ROBO2: variants seen among roughly 807,000 people sequenced by gnomAD.
The protein encoded by ROBO2 is roundabout homolog 2.
ROBO2 carries 53 observed loss-of-function variants against 160.8 expected under a neutral mutation model. The ratio of observed to expected loss-of-function variants is 0.33; its 90% confidence interval spans 0.26 to 0.41. ROBO2 has a LOEUF of 0.41. ROBO2 is among the 10% of genes least tolerant of loss of function. ROBO2 has a pLI of 1.00. For synonymous variants in ROBO2, 664 were observed against 611.7 expected (o/e 1.09, Z -1.26); for missense variants, 1,577 against 1,722.4 (o/e 0.92, Z 1.49).
At chr3:76,588,996 C>G (rs1381929539) in intron 2 of ROBO2, among the ~76,000 whole-genome samples, 1 of 152,134 alleles carries the variant, frequency 6.6e-6, no homozygotes, top group Non-Finnish European at 1.5e-5. Flanking sequence ...ATAACATACT[C>G]TCTTGTGAAC....
intron 2 of ROBO2, among the ~76,000 whole-genome samples, chr3:77,436,989 C>G (rs1390766142): frequency 6.6e-6 from 1 of 151,966 alleles, no homozygotes; most frequent in Non-Finnish European, 1.5e-5. Context: ...ATTGTATACA[C>G]ATGATTTTCT....
chr3:76,676,269 G>C (rs968569041), intron 2 of ROBO2, among the ~76,000 whole-genome samples: 1 of 151,764 alleles, frequency 6.6e-6, no homozygotes, highest in Admixed American at 6.6e-5. Context: ...TTTCTCATGA[G>C]ATCTGATGGT....
intron 2 of ROBO2, among the ~76,000 whole-genome samples, chr3:76,542,982 C>T (rs962885021): frequency 1.6e-4 from 25 of 152,160 alleles, no homozygotes; most frequent in Admixed American, 1.2e-3. Context: ...CATTCTCATT[C>T]TCCTTTGCCG....
chr3:76,577,229 T>G (rs1435761425), intron 2 of ROBO2, among the ~76,000 whole-genome samples: 3 of 152,122 alleles, frequency 2.0e-5, no homozygotes, highest in Non-Finnish European at 4.4e-5. Context: ...ACATATCTCA[T>G]TTTTTAGGAA....
chr3:75,939,705 C>T (rs965453366), intron 2 of ROBO2, among the ~76,000 whole-genome samples: 3 of 151,970 alleles, frequency 2.0e-5, no homozygotes, highest in Admixed American at 2.0e-4. Flanking sequence ...GCAAGTATAA[C>T]CCAAGCTGCA....
intron 6 of ROBO2, among the ~76,000 whole-genome samples, chr3:77,542,735 T>C (rs1428277683): frequency 6.6e-6 from 1 of 152,176 alleles, no homozygotes; most frequent in Admixed American, 6.5e-5. Flanking sequence ...CTTTAGGTGC[T>C]ACTAAAAATA....
intron 2 of ROBO2, among the ~76,000 whole-genome samples, chr3:76,976,091 A>T (rs1163386976): frequency 6.6e-6 from 1 of 152,212 alleles, no homozygotes; most frequent in Non-Finnish European, 1.5e-5. Context: ...TTAGATAGAG[A>T]ATAAAAACTG....
At chr3:76,915,172 A>G (rs1471293108) in intron 2 of ROBO2, among the ~76,000 whole-genome samples, 1 of 152,148 alleles carries the variant, frequency 6.6e-6, no homozygotes, top group Non-Finnish European at 1.5e-5. Flanking sequence ...TGTAAGTTCC[A>G]TGACAGCTGG....
At chr3:77,446,022 A>G (rs929870965) in intron 2 of ROBO2, among the ~76,000 whole-genome samples, 5 of 152,158 alleles carry the variant, frequency 3.3e-5, no homozygotes, top group African/African-American at 1.2e-4. Flanking sequence ...CTGTAGAAAT[A>G]AATTCAGAGT....
chr3:77,181,132 T>A (rs1412719880), intron 2 of ROBO2, among the ~76,000 whole-genome samples: 1 of 152,120 alleles, frequency 6.6e-6, no homozygotes, highest in East Asian at 1.9e-4. Context: ...TGCCAGTGCT[T>A]AATGCTTCCC....
At chr3:76,527,789 T>C (rs2108001483) in intron 2 of ROBO2, among the ~76,000 whole-genome samples, 1 of 151,962 alleles carries the variant, frequency 6.6e-6, no homozygotes, top group African/African-American at 2.4e-5. Flanking sequence ...AACAGGTGAG[T>C]ATTAGTTTTA....
At chr3:77,436,947 T>G (rs1032545638) in intron 2 of ROBO2, among the ~76,000 whole-genome samples, 1 of 152,032 alleles carries the variant, frequency 6.6e-6, no homozygotes, top group Non-Finnish European at 1.5e-5. Context: ...TATTAAGAAG[T>G]GTGAATATTC....
At chr3:76,862,262 T>C (rs568328482) in intron 2 of ROBO2, among the ~76,000 whole-genome samples, 57 of 152,162 alleles carry the variant, frequency 3.7e-4, no homozygotes, top group Non-Finnish European at 6.8e-4. Flanking sequence ...GGCTGGAAAA[T>C]AGCTTCATTC....
intron 2 of ROBO2, among the ~76,000 whole-genome samples, chr3:76,798,156 AAG>A (rs1186831826): frequency 6.7e-6 from 1 of 149,996 alleles, no homozygotes; most frequent in East Asian, 2.0e-4. Flanking sequence ...GAAAGAAAGA[AAG>A]AAAGAAAGAA....
chr3:76,845,454 G>T (rs568451630), intron 2 of ROBO2, among the ~76,000 whole-genome samples: 3 of 151,564 alleles, frequency 2.0e-5, no homozygotes, highest in African/African-American at 7.3e-5. Flanking sequence ...GTATTTAATC[G>T]AACTGGGGAT....
chr3:76,194,893 C>G (rs532190333), intron 2 of ROBO2, among the ~76,000 whole-genome samples: 6 of 152,160 alleles, frequency 3.9e-5, no homozygotes, highest in Non-Finnish European at 5.9e-5. Flanking sequence ...TCTGGGATTC[C>G]AGGTGTGAGC....
intron 2 of ROBO2, among the ~76,000 whole-genome samples, chr3:76,217,448 C>G (rs1477694092): frequency 2.6e-5 from 4 of 152,048 alleles, no homozygotes; most frequent in East Asian, 1.9e-4. Flanking sequence ...AGAGAAGAAT[C>G]AAATAGACGC....
intron 2 of ROBO2, among the ~76,000 whole-genome samples, chr3:77,322,935 T>G (rs1290623150): frequency 7.9e-5 from 8 of 101,386 alleles, no homozygotes; most frequent in African/African-American, 3.6e-4. Flanking sequence ...ATGGATAATA[T>G]AATATATTAT....
Position 77,312,972 on chromosome 3 carries a change from A to C in ROBO2, c.389-164442A>C, listed in dbSNP as rs141938426. Among the ~76,000 whole-genome samples the C allele has an allele frequency of 3.5e-4, 53 of 152,342 alleles. 1 individual carries two copies. The East Asian group carries it at 9.1e-3, about 26-fold the overall frequency. On this transcript the variant is annotated intron_variant, in intron 2 of 25. Coordinates refer to ENST00000461745, the Ensembl canonical transcript of ROBO2. ...ACTCATGCTTAATTTCATAGCTGAC[A>C]GTGCAAAGCTTATCTTCATTTCTTA...
Sources: allele counts gnomAD v4.1 joint callset (sites outside exome capture counted in the v4.1 genomes callset), GRCh38; gene constraint gnomAD v4.1.1; transcripts MANE v1.5; gene names NCBI Gene and HGNC (gene_info 2026-07-23, HGNC 2026-07-21).